The following RAB3C variants were observed in gnomAD, a reference collection of about 807,000 sequenced individuals.
The protein encoded by RAB3C is RAB3C, member RAS oncogene family.
RAB3C carries 17 observed loss-of-function variants against 26.4 expected under a neutral mutation model. The ratio of observed to expected loss-of-function variants is 0.64; its 90% confidence interval spans 0.44 to 0.97. RAB3C has a LOEUF of 0.97. RAB3C is among the 50% of genes least tolerant of loss of function. The pLI is 0.00. For missense variants in RAB3C, 242 were observed against 281.9 expected, an observed-to-expected ratio of 0.86 and a Z score of 1.01; for synonymous variants, 91 against 95.9, an observed-to-expected ratio of 0.95 and a Z score of 0.30.
rs769793582 is a variant in RAB3C at position 58,738,779 on chromosome 5, T to C, written c.371+12659T>C. 4.6e-5 allele frequency among the ~76,000 whole-genome samples: 7 copies of C among 152,344 alleles called. 1 individual carries two copies. The highest frequency in any genetic ancestry group is 3.4e-3 in the Middle Eastern group (1 of 294). The stretch of plus-strand genomic sequence containing the variant: ...CTGTTTCACTTGCACTCTGAAAATA[T>C]ACTCCCTCGCAACTCTTAATATGCA... On this transcript the variant is annotated intron_variant, in intron 3 of 4. Coordinates refer to ENST00000282878, the MANE Select transcript of RAB3C (RefSeq NM_138453.4).
intron 2 of RAB3C, among the ~76,000 whole-genome samples, chr5:58,668,637 G>T (rs1748048082): frequency 6.6e-6 from 1 of 152,074 alleles, no homozygotes; most frequent in African/African-American, 2.4e-5. Flanking sequence ...AAAATTTAAA[G>T]ACCTCATAGT....
intron 2 of RAB3C, among the ~76,000 whole-genome samples, chr5:58,667,176 G>A (rs1748019980): frequency 1.3e-5 from 2 of 152,088 alleles, no homozygotes; most frequent in African/African-American, 2.4e-5. Flanking sequence ...CTAACAATGG[G>A]GGTAGGCCTT....
At chr5:58,799,006 C>T (rs1742741071) in intron 3 of RAB3C, among the ~76,000 whole-genome samples, 1 of 152,100 alleles carries the variant, frequency 6.6e-6, no homozygotes, top group African/African-American at 2.4e-5. Flanking sequence ...AATGTGTGCT[C>T]CTTAACTGGA....
intron 2 of RAB3C, among the ~76,000 whole-genome samples, chr5:58,683,779 A>G (rs1748392994): frequency 6.6e-6 from 1 of 152,132 alleles, no homozygotes; most frequent in Admixed American, 6.6e-5. Context: ...CACTGCATAC[A>G]CTACCCTCCT....
At chr5:58,603,813 G>A (rs1746504829) in intron 1 of RAB3C, among the ~76,000 whole-genome samples, 1 of 152,134 alleles carries the variant, frequency 6.6e-6, no homozygotes, top group Non-Finnish European at 1.5e-5. Context: ...AGGCAAATCA[G>A]GGATTTCTTC....
At chr5:58,775,126 T>C (rs1742099696) in intron 3 of RAB3C, among the ~76,000 whole-genome samples, 1 of 152,132 alleles carries the variant, frequency 6.6e-6, no homozygotes. Flanking sequence ...AGAGAAGTGC[T>C]GTGCACGATT....
At chr5:58,625,343 C>T (rs1252178959) in intron 2 of RAB3C, among the ~76,000 whole-genome samples, 2 of 152,080 alleles carry the variant, frequency 1.3e-5, no homozygotes, top group African/African-American at 2.4e-5. Flanking sequence ...CTTTATACTG[C>T]TTATAGAGTA....
chr5:58,835,108 A>G (rs1743708575), intron 4 of RAB3C, among the ~76,000 whole-genome samples: 1 of 152,118 alleles, frequency 6.6e-6, no homozygotes, highest in South Asian at 2.1e-4. Flanking sequence ...AACCCCACCC[A>G]TGCAGCATCT....
chr5:58,750,452 A>G (rs1018515233), intron 3 of RAB3C, among the ~76,000 whole-genome samples: 5 of 151,314 alleles, frequency 3.3e-5, no homozygotes, highest in African/African-American at 1.2e-4. Flanking sequence ...GCCTTGGCCC[A>G]TTTCTTTGAG....
chr5:58,644,901 A>C (rs1747487007), intron 2 of RAB3C, among the ~76,000 whole-genome samples: 1 of 152,238 alleles, frequency 6.6e-6, no homozygotes, highest in African/African-American at 2.4e-5. Flanking sequence ...CAGTGAGAAC[A>C]GCCTGTCCCT....
chr5:58,588,637 C>T (rs1746062001), intron 1 of RAB3C, among the ~76,000 whole-genome samples: 1 of 151,758 alleles, frequency 6.6e-6, no homozygotes. Context: ...AAGGTTTCTC[C>T]CAGTTGGTGG....
intron 1 of RAB3C, among the ~76,000 whole-genome samples, chr5:58,584,896 G>GTAT (rs138101238): frequency 0.035 from 5,292 of 152,048 alleles, 348 homozygotes; most frequent in East Asian, 0.33. Flanking sequence ...TTACAGAACT[G>GTAT]TATTAATGTT....
intron 1 of RAB3C, among the ~76,000 whole-genome samples, chr5:58,616,769 G>A (rs1024324970): frequency 3.9e-5 from 6 of 152,132 alleles, no homozygotes; most frequent in Admixed American, 1.3e-4. Flanking sequence ...AAAGAGTGGA[G>A]CCAAGTTTTG....
At chr5:58,740,162 G>A (rs568010637) in intron 3 of RAB3C, among the ~76,000 whole-genome samples, 37 of 152,324 alleles carry the variant, frequency 2.4e-4, no homozygotes, top group African/African-American at 7.5e-4. Context: ...CCATGTGTGG[G>A]CATGGGAGAG....
chr5:58,698,908 C>T (rs1748778134), intron 2 of RAB3C, among the ~76,000 whole-genome samples: 1 of 152,296 alleles, frequency 6.6e-6, no homozygotes, highest in Non-Finnish European at 1.5e-5. Flanking sequence ...TATTACCAAC[C>T]TTCTGAAGCC....
intron 1 of RAB3C, 97 bp downstream of exon 1, chr5:58,583,329 G>A (rs1446636091): frequency 6.3e-7 from 1 of 1,586,120 alleles, no homozygotes; most frequent in Non-Finnish European, 8.6e-7. Flanking sequence ...GAAAGGTCTA[G>A]GCGGTCACCC....
At chr5:58,713,307 T>C (rs569595702) in intron 2 of RAB3C, among the ~76,000 whole-genome samples, 13 of 152,190 alleles carry the variant, frequency 8.5e-5, no homozygotes, top group African/African-American at 3.1e-4. Flanking sequence ...ATTTTTACCA[T>C]CTTTTGAAAT....
At chr5:58,697,781 T>A (rs948890696) in intron 2 of RAB3C, among the ~76,000 whole-genome samples, 3 of 152,196 alleles carry the variant, frequency 2.0e-5, no homozygotes, top group Non-Finnish European at 4.4e-5. Context: ...GCTTGGTAGA[T>A]CTTCCTCTAT....
At chr5:58,804,253 G>T (rs1050091450) in intron 3 of RAB3C, among the ~76,000 whole-genome samples, 1 of 151,944 alleles carries the variant, frequency 6.6e-6, no homozygotes, top group African/African-American at 2.4e-5. Flanking sequence ...TTTTTTAATT[G>T]TCTCCACATT....
Sources: gnomAD v4.1 joint callset for allele counts (sites outside exome capture counted in the v4.1 genomes callset) on GRCh38, gnomAD v4.1.1 for gene constraint, MANE v1.5 for transcripts, NCBI Gene and HGNC (gene_info 2026-07-23, HGNC 2026-07-21) for gene names.